Variants in TUB observed in about 807,000 individuals in gnomAD.
TUB encodes the protein tubby protein homolog.
In TUB, 33 loss-of-function variants were observed where a neutral mutation model predicts 59.7. That is an observed-to-expected ratio of 0.55 (90% confidence interval 0.42 to 0.74). The LOEUF (loss-of-function observed/expected upper bound fraction) is 0.74. Ranked by LOEUF, TUB falls within the 30% of genes least tolerant of loss-of-function variation. The pLI, the probability that TUB is intolerant of heterozygous loss-of-function variation, is 0.00. For missense variants in TUB, 659 were observed against 672.0 expected, an observed-to-expected ratio of 0.98 and a Z score of 0.21; for synonymous variants, 293 against 256.4, an observed-to-expected ratio of 1.14 and a Z score of -1.36.
intron 6 of TUB, 134 bp downstream of exon 6, chr11:8,096,940 C>T: frequency 9.7e-7 from 1 of 1,035,838 alleles, no homozygotes; most frequent in South Asian, 1.5e-5. Context: ...CTCTACCTTG[C>T]CTCCTAACCT....
At chr11:8,086,751 C>T (rs1943675525) in intron 1 of TUB, among the ~76,000 whole-genome samples, 1 of 152,114 alleles carries the variant, frequency 6.6e-6, no homozygotes, top group Admixed American at 6.5e-5. Context: ...CGCCCCCCAG[C>T]TGTGCATGCT....
chr11:8,020,036 C>T (rs1942399356), intron 1 of TUB, among the ~76,000 whole-genome samples: 1 of 152,218 alleles, frequency 6.6e-6, no homozygotes, highest in South Asian at 2.1e-4. Flanking sequence ...GTCATCCTCC[C>T]AGGCGAAATG....
At chr11:8,065,049 A>C (rs1943210840) in intron 2 of TUB, among the ~76,000 whole-genome samples, 1 of 152,200 alleles carries the variant, frequency 6.6e-6, no homozygotes. Context: ...GCCAATGTAT[A>C]ATATAGGTAG....
At chr11:8,021,642 G>A (rs1273557471) in intron 1 of TUB, among the ~76,000 whole-genome samples, 2 of 151,674 alleles carry the variant, frequency 1.3e-5, no homozygotes, top group South Asian at 2.1e-4. Context: ...TTGGCCAGGC[G>A]TGGTGGCTCA....
At chr11:8,054,182 A>G (rs1460871068) in intron 2 of TUB, among the ~76,000 whole-genome samples, 1 of 152,176 alleles carries the variant, frequency 6.6e-6, no homozygotes, top group Non-Finnish European at 1.5e-5. Context: ...TCTTGTCTGG[A>G]GCTGTTTAGC....
At chr11:8,089,690 G>T (rs747237320) in intron 2 of TUB, 29 bp downstream of exon 2, 1 of 1,613,940 alleles carries the variant, frequency 6.2e-7, no homozygotes, top group Non-Finnish European at 8.5e-7. Context: ...GGGTAGAAGG[G>T]AAGAGTCTGG....
At chr11:8,047,905 C>A (rs1273340295) in intron 2 of TUB, among the ~76,000 whole-genome samples, 1 of 152,120 alleles carries the variant, frequency 6.6e-6, no homozygotes, top group Non-Finnish European at 1.5e-5. Flanking sequence ...CTGTGATGTG[C>A]CACCATGCAA....
intron 2 of TUB, among the ~76,000 whole-genome samples, chr11:8,059,108 C>T (rs903194775): frequency 1.3e-5 from 2 of 152,052 alleles, no homozygotes; most frequent in Non-Finnish European, 2.9e-5. Context: ...CTTGCAGAGA[C>T]CCTGGGAGCA....
chr11:8,094,554 C>T (rs1943900417), intron 4 of TUB, among the ~76,000 whole-genome samples: 1 of 152,234 alleles, frequency 6.6e-6, no homozygotes, highest in Admixed American at 6.5e-5. Context: ...GGGCTGACTG[C>T]TTCCCAGGCA....
At chr11:8,091,530 G>C (rs1943776304) in intron 3 of TUB, among the ~76,000 whole-genome samples, 1 of 152,214 alleles carries the variant, frequency 6.6e-6, no homozygotes, top group African/African-American at 2.4e-5. Context: ...TACTCTGCTA[G>C]TGAGCAGCAG....
In TUB at chr11:8,103,721, G is replaced by C. The variant is rs2133936730; in HGVS notation, c.*2102G>C. The C allele has an allele frequency of 6.5e-6, 1 of 152,780 alleles. No homozygotes were observed. Among genetic ancestry groups the C allele is most frequent in the African/African-American group, 2.4e-5 (1 of 41,584 alleles). 9.5% of individuals were successfully genotyped at this position (152,780 alleles called of 1,614,324 possible). ...CCCTTCCCTGCCTTTAAGGAGAAGA[G>C]ATCTTCATGGTGACATTTGAGATGA... On this transcript the variant is annotated 3_prime_UTR_variant, in exon 12 of 12. Transcript: ENST00000299506.
intron 1 of TUB, chr11:8,019,424 G>C: frequency 8.2e-7 from 1 of 1,222,430 alleles, no homozygotes; most frequent in South Asian, 4.1e-5. Context: ...CGGGAGAAGC[G>C]GGCCTCCGGG....
rs1379076520 is a variant in TUB at position 8,104,515 on chromosome 11, G to C, written c.*2896G>C. ...GTTTCTTAATTGTGATTATATTCCT[G>C]AGAATGAATGAGTAGGAAAGGAATA... On this transcript the variant is annotated 3_prime_UTR_variant, in exon 12 of 12. Coordinates refer to ENST00000299506, the MANE Select transcript of TUB (RefSeq NM_177972.3). 4 of 152,222 alleles carry C rather than the reference G, an allele frequency of 2.6e-5. No individual in the cohort carries two copies. The highest frequency in any genetic ancestry group is 9.7e-5 in the African/African-American group (4 of 41,444). The allele number at this position is 152,222 out of a possible 1,614,324, so 9.4% of individuals were successfully genotyped here.
chr11:8,064,830 G>A (rs1242737866), intron 2 of TUB, among the ~76,000 whole-genome samples: 1 of 152,240 alleles, frequency 6.6e-6, no homozygotes, highest in Non-Finnish European at 1.5e-5. Context: ...GGCTGGTGGG[G>A]CAGGAGGAAC....
At chr11:8,080,268 G>A (rs758635588), upstream of TUB, among the ~76,000 whole-genome samples, 9 of 152,340 alleles carry the variant, frequency 5.9e-5, no homozygotes, top group Non-Finnish European at 7.4e-5. Context: ...GTGCCCCTCC[G>A]CAGACCTCTC....
intron 1 of TUB, among the ~76,000 whole-genome samples, chr11:8,087,959 A>G (rs969952172): frequency 3.3e-5 from 5 of 152,178 alleles, no homozygotes; most frequent in South Asian, 2.1e-4. Context: ...GGTCCTGGCA[A>G]TGCCCTCAGG....
At position 8,104,180 on chromosome 11, in the gene TUB, C is replaced by T. The variant is rs1172894278; in HGVS notation, c.*2561C>T. The T allele has an allele frequency of 6.6e-6, 1 of 152,298 alleles. No homozygotes were observed. The highest frequency in any genetic ancestry group is 2.4e-5 in the African/African-American group (1 of 41,464). The allele number at this position is 152,298 out of a possible 1,614,324, so 9.4% of individuals were successfully genotyped here. ...ACAATAAGAGTTCTTGCCCTTCATA[C>T]CCTCTACCTGGATGGATGGTCTTTG... On this transcript the variant is annotated 3_prime_UTR_variant, in exon 12 of 12. Transcript: ENST00000299506.
intron 2 of TUB, chr11:8,075,541 T>A (rs1401100808): frequency 6.6e-6 from 1 of 152,244 alleles, no homozygotes; most frequent in African/African-American, 2.4e-5. Flanking sequence ...ACTCATGAGA[T>A]GTAATCATAA....
intron 1 of TUB, among the ~76,000 whole-genome samples, chr11:8,026,617 T>C (rs1942503541): frequency 6.6e-6 from 1 of 152,206 alleles, no homozygotes; most frequent in Non-Finnish European, 1.5e-5. Context: ...GTTATCTTGA[T>C]CTATGTGTCT....
Sources: gnomAD v4.1 joint callset for allele counts (sites outside exome capture counted in the v4.1 genomes callset) on GRCh38, gnomAD v4.1.1 for gene constraint, MANE v1.5 for transcripts, NCBI Gene and HGNC (gene_info 2026-07-23, HGNC 2026-07-21) for gene names.